Variants in MAX observed in about 807,000 individuals in gnomAD.
MAX encodes MYC associated transcriptional regulator X, also known as protein max.
A neutral mutation model predicts 22.3 loss-of-function variants in MAX; 3 were observed. The observed-to-expected ratio is 0.13, with a 90% CI of 0.06 to 0.35. The LOEUF is 0.35. Ranked by LOEUF, MAX falls within the 10% of genes least tolerant of loss-of-function variation. MAX has a pLI of 1.00. For synonymous variants in MAX, 72 were observed against 77.7 expected (o/e 0.93, Z 0.39); for missense variants, 119 against 209.4 (o/e 0.57, Z 2.66).
downstream of MAX, among the ~76,000 whole-genome samples, chr14:65,072,997 G>T (rs893082030): frequency 6.6e-6 from 1 of 152,196 alleles, no homozygotes; most frequent in Non-Finnish European, 1.5e-5. Flanking sequence ...TCTGGGAGCT[G>T]GCTTTTTCCA....
At position 65,047,277 on chromosome 14, in the gene MAX, C is replaced by T. The variant is rs2139655294; in HGVS notation, c.172-40993G>A. On this transcript the variant is annotated intron_variant, in intron 3 of 3. Coordinates refer to the MAX transcript ENST00000341653. The surrounding 1 kb of genome is among the most constrained non-coding windows in gnomAD (Gnocchi z 5.2). ...GTACCATTGTTTACAGATGAGGAAA[C>T]AAACTACAGTGAGGTTAAGTGATTG... Among the ~76,000 whole-genome samples the T allele has an allele frequency of 6.6e-6, 1 of 152,284 alleles. No homozygotes were observed. Among genetic ancestry groups the T allele is most frequent in the East Asian group, 1.9e-4 (1 of 5,188 alleles).
At position 65,078,211 on chromosome 14, in the gene MAX, A is replaced by G. The variant is rs549398744; in HGVS notation, c.172-175T>C. The stretch of plus-strand genomic sequence containing the variant: ...GCTTTATTTATTTATTTATTTTTTT[A>G]TTTTTTTGAGACAGAGTTTCGCTCT... On this transcript the variant is annotated intron_variant, in intron 3 of 4. Transcript: ENST00000358664. This position sits in a 1 kb window ranked among gnomAD's most constrained non-coding sequence, Gnocchi z 6.4. Among the ~76,000 whole-genome samples, 332 of 149,818 alleles carry G rather than the reference A, an allele frequency of 2.2e-3. 1 individual carries two copies. The highest frequency in any genetic ancestry group is 3.0e-3 in the Non-Finnish European group (201 of 66,800).
downstream of MAX, among the ~76,000 whole-genome samples, chr14:65,070,360 C>CAA (rs2062973858): frequency 6.6e-6 from 1 of 152,134 alleles, no homozygotes; most frequent in African/African-American, 2.4e-5. This position sits in a 1 kb window ranked among gnomAD's most constrained non-coding sequence, Gnocchi z 4.4. Context: ...CTTCTCTAGC[C>CAA]TTTAATTTAC....
Position 65,044,423 on chromosome 14 carries a change from A to G in MAX, c.172-38139T>C, listed in dbSNP as rs2062429057. The G allele has an allele frequency of 6.2e-7, 1 of 1,611,698 alleles. No individual in the cohort carries two copies. The highest frequency in any genetic ancestry group is 1.1e-5 in the South Asian group (1 of 90,538). On this transcript the variant is annotated intron_variant, in intron 3 of 3. Transcript: ENST00000341653. The surrounding 1 kb of genome is among the most constrained non-coding windows in gnomAD (Gnocchi z 5.5). The stretch of plus-strand genomic sequence containing the variant: ...CAGGCGGGGCTCCTGCCCCTGCTCC[A>G]CCGCGCACTGCACGCCCAAGGTGAG...
chr14:65,099,532 A>C (rs899605745), intron 2 of MAX, among the ~76,000 whole-genome samples: 20 of 48,338 alleles, frequency 4.1e-4, no homozygotes, highest in African/African-American at 2.9e-4. Context: ...AAATTTCACC[A>C]AAAAAACAAA....
In MAX at chr14:65,076,942, G is replaced by A. The variant is rs978042060; in HGVS notation, c.296-279C>T. The A allele has an allele frequency of 7.0e-6, 4 of 573,898 alleles. No individual in the cohort carries two copies. The highest frequency in any genetic ancestry group is 2.0e-5 in the South Asian group (1 of 50,564). 35.6% of individuals were successfully genotyped at this position (573,898 alleles called of 1,614,324 possible). A position where few individuals can be genotyped will look rare whatever the true frequency, so the allele number is the denominator to read the frequency against. ...GTCACCGTCCTGCCGTGGAAGCCCCGTGGAGAGACTGGAGCGTGAGCTCCC... is the reference window on the plus strand; with the variant it reads ...GTCACCGTCCTGCCGTGGAAGCCCCATGGAGAGACTGGAGCGTGAGCTCCC... On this transcript the variant is annotated intron_variant, in intron 4 of 4. Coordinates refer to ENST00000358664, the MANE Select transcript of MAX (RefSeq NM_002382.5). The surrounding 1 kb of genome is among the most constrained non-coding windows in gnomAD (Gnocchi z 6.6).
intron 3 of MAX, among the ~76,000 whole-genome samples, chr14:65,080,601 C>G (rs775254624): frequency 1.6e-4 from 25 of 152,196 alleles, no homozygotes; most frequent in Non-Finnish European, 3.1e-4. Flanking sequence ...CTCACCTTGC[C>G]TATTCCTCAT....
chr14:65,102,484 C>A lies in MAX; in HGVS notation c.-145G>T. 6.7e-7 allele frequency: 1 copy of A among 1,503,024 alleles called. No individual in the cohort carries two copies. Among genetic ancestry groups the A allele is most frequent in the Admixed American group, 2.0e-5 (1 of 49,376 alleles). The allele number at this position is 1,503,024 out of a possible 1,614,324, so 93.1% of individuals were successfully genotyped here. Reference sequence around the variant, plus strand: ...ACTCACTCGCTCTCTCACTCACACACACACACAACACGGGCAAGAACCACC... The same window carrying A: ...ACTCACTCGCTCTCTCACTCACACAAACACACAACACGGGCAAGAACCACC... On this transcript the variant is annotated 5_prime_UTR_variant, in exon 1 of 5. Transcript: ENST00000358664.
In MAX at chr14:65,076,086, C is replaced by G; in HGVS notation, c.*390G>C. 8.0e-7 allele frequency: 1 copy of G among 1,244,362 alleles called. No individual in the cohort carries two copies. Among genetic ancestry groups the G allele is most frequent in the Non-Finnish European group, 1.0e-6 (1 of 990,326 alleles). The allele number at this position is 1,244,362 out of a possible 1,614,324, so 77.1% of individuals were successfully genotyped here. A position where few individuals can be genotyped will look rare whatever the true frequency, so the allele number is the denominator to read the frequency against. On this transcript the variant is annotated 3_prime_UTR_variant, in exon 5 of 5. Coordinates refer to ENST00000358664, the MANE Select transcript of MAX (RefSeq NM_002382.5). This position sits in a 1 kb window ranked among gnomAD's most constrained non-coding sequence, Gnocchi z 6.6. ...GAGGTGAGGGCGGGCCAGGAGGCCACCTGGGCAGGGCAGGCGTCCCCCGGG... is the reference window on the plus strand; with the variant it reads ...GAGGTGAGGGCGGGCCAGGAGGCCAGCTGGGCAGGGCAGGCGTCCCCCGGG...
At chr14:65,094,495 C>CACAGGCAGTGCCTG (rs2063604609) in intron 2 of MAX, among the ~76,000 whole-genome samples, 1 of 152,252 alleles carries the variant, frequency 6.6e-6, no homozygotes, top group Non-Finnish European at 1.5e-5. Flanking sequence ...CTTCCTTGCA[C>CACAGGCAGTGCCTG]ACAGGCAGTG....
rs1287246388 is a variant in MAX, at chr14:65,007,758, G to A, written c.172-1474C>T. On this transcript the variant is annotated intron_variant, in intron 3 of 3. Transcript: ENST00000341653. This position sits in a 1 kb window ranked among gnomAD's most constrained non-coding sequence, Gnocchi z 4.9. ...CACACCCTTTTGAATGTACCCTTTT[G>A]CATTTATCACCTTGGCTTTAATAAG... 6.6e-6 allele frequency among the ~76,000 whole-genome samples: 1 copy of A among 152,076 alleles called. No homozygotes were observed. Among genetic ancestry groups the A allele is most frequent in the Non-Finnish European group, 1.5e-5 (1 of 68,014 alleles).
chr14:65,067,000 ACT>A (rs1433772061), intron 3 of MAX, among the ~76,000 whole-genome samples: 1 of 148,704 alleles, frequency 6.7e-6, no homozygotes, highest in African/African-American at 2.5e-5. Flanking sequence ...ACATAGCCAC[ACT>A]CTGTCTCTAC....
chr14:65,076,190 C>T lies in MAX; in HGVS notation c.*286G>A, dbSNP rs2063051081. 7.1e-7 allele frequency: 1 copy of T among 1,408,842 alleles called. No homozygotes were observed. The highest frequency in any genetic ancestry group is 3.0e-5 in the Admixed American group (1 of 33,712). 87.3% of individuals were successfully genotyped at this position (1,408,842 alleles called of 1,614,324 possible). ...TCAGAGGTCCGGCCGGCCGTCTGTC[C>T]TCCACAGAAAAAGCTGCCAAGTTGG... On this transcript the variant is annotated 3_prime_UTR_variant, in exon 5 of 5. Coordinates refer to ENST00000358664, the MANE Select transcript of MAX (RefSeq NM_002382.5). This position sits in a 1 kb window ranked among gnomAD's most constrained non-coding sequence, Gnocchi z 6.6.
At position 65,047,190 on chromosome 14, in the gene MAX, G is replaced by A. The variant is rs1043282081; in HGVS notation, c.172-40906C>T. On this transcript the variant is annotated intron_variant, in intron 3 of 3. Transcript: ENST00000341653. This position sits in a 1 kb window ranked among gnomAD's most constrained non-coding sequence, Gnocchi z 5.2. ...CCCAAGCCCTCACTGTATGCCAGGG[G>A]CTGTACTGAGCATTTCACATATGTT... is the stretch of plus-strand genomic sequence containing the variant. 6.6e-6 allele frequency among the ~76,000 whole-genome samples: 1 copy of A among 152,180 alleles called. No individual in the cohort carries two copies. The highest frequency in any genetic ancestry group is 2.4e-5 in the African/African-American group (1 of 41,432).
intron 1 of MAX, among the ~76,000 whole-genome samples, chr14:65,102,089 G>A (rs1355810908): frequency 6.6e-6 from 1 of 152,158 alleles, no homozygotes; most frequent in Non-Finnish European, 1.5e-5. Context: ...CCCAGAAGCC[G>A]CGTGTCTTCC....
At position 65,028,295 on chromosome 14, in the gene MAX, G is replaced by A. The variant is rs2062020324; in HGVS notation, c.172-22011C>T. Among the ~76,000 whole-genome samples, 1 of 152,178 alleles carries A rather than the reference G, an allele frequency of 6.6e-6. No individual in the cohort carries two copies. The highest frequency in any genetic ancestry group is 2.1e-4 in the South Asian group (1 of 4,826). Reference sequence around the variant, plus strand: ...AATAAAATCGCATTAACTGATTGGTGCCAGTTAGCTCGAAATTATTATTTT... The same window carrying A: ...AATAAAATCGCATTAACTGATTGGTACCAGTTAGCTCGAAATTATTATTTT... On this transcript the variant is annotated intron_variant, in intron 3 of 3. Coordinates refer to the MAX transcript ENST00000341653. This position sits in a 1 kb window ranked among gnomAD's most constrained non-coding sequence, Gnocchi z 4.4.
In MAX at chr14:65,032,518, C is replaced by A; in HGVS notation, c.172-26234G>T. On this transcript the variant is annotated intron_variant, in intron 3 of 3. Transcript: ENST00000341653. The surrounding 1 kb of genome is among the most constrained non-coding windows in gnomAD (Gnocchi z 5.0). ...GAGGACAGGAGGTGATTACAGCTTA[C>A]TAGGCAAGGCGAGCAGTCCGCCCGC... The A allele has an allele frequency of 1.4e-6, 2 of 1,412,116 alleles. No individual in the cohort carries two copies. Among genetic ancestry groups the A allele is most frequent in the Admixed American group, 2.1e-5 (1 of 48,400 alleles). 87.5% of individuals were successfully genotyped at this position (1,412,116 alleles called of 1,614,324 possible). A position where few individuals can be genotyped will look rare whatever the true frequency, so the allele number is the denominator to read the frequency against.
intron 3 of MAX, among the ~76,000 whole-genome samples, chr14:65,056,855 G>A (rs2062747511): frequency 6.6e-6 from 1 of 152,214 alleles, no homozygotes; most frequent in African/African-American, 2.4e-5. Flanking sequence ...ATAAAGACAA[G>A]AGGTTTATTT....
Position 65,076,240 on chromosome 14 carries a change from T to C in MAX, c.*236A>G, listed in dbSNP as rs2063051986. 10 of 1,426,128 alleles carry C rather than the reference T, an allele frequency of 7.0e-6. No homozygotes were observed. Among genetic ancestry groups the C allele is most frequent in the Non-Finnish European group, 8.2e-6 (9 of 1,096,070 alleles). The allele number at this position is 1,426,128 out of a possible 1,614,324, so 88.3% of individuals were successfully genotyped here. A position where few individuals can be genotyped will look rare whatever the true frequency, so the allele number is the denominator to read the frequency against. Reference sequence around the variant, plus strand: ...GGGTGTTTTGGTTTAAAAATTCCTGTTGGGGACAGGGAATCCCTGAAGGGA... The same window carrying C: ...GGGTGTTTTGGTTTAAAAATTCCTGCTGGGGACAGGGAATCCCTGAAGGGA... On this transcript the variant is annotated 3_prime_UTR_variant, in exon 5 of 5. Transcript: ENST00000358664. The surrounding 1 kb of genome is among the most constrained non-coding windows in gnomAD (Gnocchi z 6.6).
Sources: allele counts gnomAD v4.1 joint callset (sites outside exome capture counted in the v4.1 genomes callset), GRCh38; gene constraint gnomAD v4.1.1; non-coding constraint Gnocchi (gnomAD v3.1); transcripts MANE v1.5; gene names NCBI Gene and HGNC (gene_info 2026-07-23, HGNC 2026-07-21).